The following RSPH3 variants were observed in gnomAD, a reference collection of about 807,000 sequenced individuals.
The protein encoded by RSPH3 is radial spoke head protein 3 homolog.
A neutral mutation model predicts 43.8 loss-of-function variants in RSPH3; 21 were observed. The ratio of observed to expected loss-of-function variants is 0.48; its 90% CI spans 0.34 to 0.69. RSPH3 has a LOEUF of 0.69. RSPH3 is among the 30% of genes least tolerant of loss of function. RSPH3 has a pLI of 0.01. For synonymous variants in RSPH3, 173 were observed against 179.8 expected (o/e 0.96, Z 0.30); for missense variants, 487 against 516.0 (o/e 0.94, Z 0.54).
At chr6:158,994,110 G>A (rs1231981329) in intron 1 of RSPH3, among the ~76,000 whole-genome samples, 184 bp from the exon 2 acceptor site, 1 of 152,250 alleles carries the variant, frequency 6.6e-6, no homozygotes, top group East Asian at 1.9e-4. Flanking sequence ...TATATGCCAG[G>A]TCCTTCATGT....
At chr6:158,972,101 G>A (rs1054724149), downstream of RSPH3, among the ~76,000 whole-genome samples, 2 of 152,056 alleles carry the variant, frequency 1.3e-5, no homozygotes, top group African/African-American at 4.8e-5. Flanking sequence ...CCATAATCAT[G>A]CCCTCATGAT....
chr6:158,999,851 G>A lies in RSPH3; in HGVS notation c.-301C>T. 6.2e-7 allele frequency: 1 copy of A among 1,613,888 alleles called. No individual in the cohort carries two copies. The highest frequency in any genetic ancestry group is 1.1e-5 in the South Asian group (1 of 91,066). ...GGCAGTTCCGGTCCCCAGGTTTCCC[G>A]GGAAGGACTGCGGCACAAGGGACTT... is the stretch of plus-strand genomic sequence containing the variant. On this transcript the variant is annotated 5_prime_UTR_variant, in exon 1 of 8. Coordinates refer to ENST00000367069, the MANE Select transcript of RSPH3 (RefSeq NM_031924.8).
At position 158,973,677 on chromosome 6, in the gene RSPH3, C is replaced by T. The variant is rs78880682; in HGVS notation, c.*3861G>A. ...GCTTTGAATCTGCTTTCAAACTCCA[C>T]CTTGTGTTGCTCAGAGTGACTTTGC... On this transcript the variant is annotated 3_prime_UTR_variant, in exon 8 of 8. Coordinates refer to ENST00000367069, the MANE Select transcript of RSPH3 (RefSeq NM_031924.8). The T allele has an allele frequency of 4.7e-3, 709 of 152,288 alleles. 4 individuals are homozygous for T. Among genetic ancestry groups the T allele is most frequent in the Non-Finnish European group, 5.2e-3 (356 of 68,044 alleles). The allele number at this position is 152,288 out of a possible 1,614,324, so 9.4% of individuals were successfully genotyped here. A position where few individuals can be genotyped will look rare whatever the true frequency, so the allele number is the denominator to read the frequency against.
intron 4 of RSPH3, among the ~76,000 whole-genome samples, chr6:158,983,227 C>A (rs1778096089): frequency 6.6e-6 from 1 of 151,976 alleles, no homozygotes; most frequent in South Asian, 2.1e-4. Context: ...TTTATGCATT[C>A]CACACTGATA....
intron 1 of RSPH3, among the ~76,000 whole-genome samples, chr6:158,994,160 G>A (rs1778511866): frequency 2.6e-5 from 4 of 152,098 alleles, no homozygotes; most frequent in African/African-American, 9.7e-5. Context: ...CTGCAAGTTG[G>A]GAATTATGAT....
At position 158,999,494 on chromosome 6, in the gene RSPH3, G is replaced by A; in HGVS notation, c.57C>T (p.Thr19=). ...GGCAGGGCAGTGCTCGGGGCCGGCTGGTGTAGGTGTAGGTGCTCGGGGCCC... is the reference window on the plus strand; with the variant it reads ...GGCAGGGCAGTGCTCGGGGCCGGCTAGTGTAGGTGTAGGTGCTCGGGGCCC... ...TSRAPSTYTY[T]SRPRALPCQR... is the part of the protein sequence containing the mutation. The change falls in exon 1 of 8, where the codon ACC becomes ACT. Residue 19 remains threonine (T), a synonymous_variant. Coordinates refer to ENST00000367069, the MANE Select transcript of RSPH3 (RefSeq NM_031924.8). The A allele has an allele frequency of 6.5e-7, 1 of 1,537,272 alleles. No individual in the cohort carries two copies. Among genetic ancestry groups the A allele is most frequent in the South Asian group, 1.2e-5 (1 of 81,186 alleles).
intron 6 of RSPH3, among the ~76,000 whole-genome samples, chr6:158,979,075 T>C (rs186338357): frequency 7.9e-5 from 12 of 152,272 alleles, no homozygotes; most frequent in Admixed American, 7.8e-4. Context: ...TGAGAGGGCA[T>C]TTGAGGAGGC....
At chr6:158,978,578 T>G (rs1195642439) in intron 6 of RSPH3, among the ~76,000 whole-genome samples, 3 of 152,216 alleles carry the variant, frequency 2.0e-5, no homozygotes, top group Admixed American at 2.0e-4. Flanking sequence ...GTTTACTCTG[T>G]TGCCCAGGCT....
At chr6:158,991,241 T>G (rs1778395453) in intron 2 of RSPH3, among the ~76,000 whole-genome samples, 2 of 152,236 alleles carry the variant, frequency 1.3e-5, no homozygotes, top group Admixed American at 1.3e-4. Flanking sequence ...CTCATGCAAG[T>G]TGTGACTGTC....
chr6:158,964,554 T>C, the RSPH3 span, among the ~76,000 whole-genome samples: 2 of 152,206 alleles, frequency 1.3e-5, no homozygotes, highest in Admixed American at 1.3e-4. Flanking sequence ...AGTTTTGATT[T>C]GCAATTCCTT....
In RSPH3 at chr6:158,977,538, C is replaced by T; in HGVS notation, c.1257G>A (p.Ter419=). The change falls in exon 8 of 8, where the codon TAG becomes TAA. Residue 419 remains the stop codon, a stop_retained_variant. Coordinates refer to ENST00000367069, the MANE Select transcript of RSPH3 (RefSeq NM_031924.8). ...GTTTCATGACTTTGAAGCTTCCCTC[C>T]TATGACAATTCTTCCTCCCCTAAGG... ...RKSLGEEELS[*] The T allele has an allele frequency of 3.1e-6, 5 of 1,600,790 alleles. No homozygotes were observed. Among genetic ancestry groups the T allele is most frequent in the Non-Finnish European group, 4.3e-6 (5 of 1,175,042 alleles).
intron 6 of RSPH3, 99 bp downstream of exon 6, chr6:158,980,671 TAGAA>T (rs1393809290): frequency 5.4e-6 from 5 of 931,084 alleles, no homozygotes; most frequent in Admixed American, 2.6e-5. Context: ...GTGTCAGAAA[TAGAA>T]AGACTCCAAT....
intron 4 of RSPH3, 23 bp from the exon 5 acceptor site, chr6:158,982,711 A>G: frequency 6.5e-7 from 1 of 1,542,042 alleles, no homozygotes; most frequent in South Asian, 1.2e-5. Context: ...AAATAAAGCA[A>G]ACTTAAAATT....
chr6:158,977,978 T>G (rs1777907436), intron 7 of RSPH3, 130 bp from the exon 8 acceptor site: 3 of 750,594 alleles, frequency 4.0e-6, no homozygotes, highest in Non-Finnish European at 6.4e-6. Context: ...GTCATAACCT[T>G]TTTTGGAAGT....
intron 5 of RSPH3, among the ~76,000 whole-genome samples, chr6:158,981,665 C>G (rs1037657504): frequency 2.0e-5 from 3 of 152,116 alleles, no homozygotes; most frequent in Non-Finnish European, 4.4e-5. Flanking sequence ...AAGCCCTATG[C>G]TCTTTACACA....
Position 158,983,611 on chromosome 6 carries a change from T to C in RSPH3, c.492+51A>G, listed in dbSNP as rs769952219. ...ATATTAAGCATTATCTACACCTAAC[T>C]TTACCTCATTTATAAAGATTATAGA... On this transcript the variant is annotated intron_variant, in intron 4 of 7. Transcript: ENST00000367069. 4.9e-6 allele frequency: 7 copies of C among 1,418,220 alleles called. No individual in the cohort carries two copies. In the South Asian group the frequency reaches 8.0e-5, roughly 16 times the overall value. The allele number at this position is 1,418,220 out of a possible 1,614,324, so 87.9% of individuals were successfully genotyped here.
At chr6:158,980,733 C>T (rs1583704400) in intron 6 of RSPH3, 41 bp downstream of exon 6, 3 of 1,493,296 alleles carry the variant, frequency 2.0e-6, no homozygotes, top group Admixed American at 1.7e-5. Flanking sequence ...TAAGAGGATG[C>T]TTATTACAAC....
chr6:158,965,345 T>C, the RSPH3 span, among the ~76,000 whole-genome samples: 1 of 152,128 alleles, frequency 6.6e-6, no homozygotes, highest in African/African-American at 2.4e-5. Flanking sequence ...TGATTGGTAT[T>C]GCATTGAATC....
rs776150202 is a variant in RSPH3 at position 158,980,816 on chromosome 6, T to C, written c.817A>G (p.Ser273Gly). ...LADLLPSVFG[S>G]LRDSGYFYDP... Reference sequence around the variant, plus strand: ...TAAAAGTAGCCACTATCCCTGAGGCTGCCAAAAACAGACGGGAGAAGGTCA... The same window carrying C: ...TAAAAGTAGCCACTATCCCTGAGGCCGCCAAAAACAGACGGGAGAAGGTCA... The change falls in exon 6 of 8, where the codon AGC becomes GGC. Residue 273 changes from serine (S) to glycine (G), a missense_variant. Ser to Gly is a moderately conservative substitution (Grantham distance 56). Coordinates refer to ENST00000367069, the MANE Select transcript of RSPH3 (RefSeq NM_031924.8). The C allele has an allele frequency of 6.1e-5, 98 of 1,614,012 alleles. No individual in the cohort carries two copies. Among genetic ancestry groups the C allele is most frequent in the Non-Finnish European group, 8.2e-5 (97 of 1,179,996 alleles).
Sources: allele counts gnomAD v4.1 joint callset (sites outside exome capture counted in the v4.1 genomes callset), GRCh38; gene constraint gnomAD v4.1.1; transcripts MANE v1.5; gene names NCBI Gene and HGNC (gene_info 2026-07-23, HGNC 2026-07-21).